MEMO1: variants seen among roughly 807,000 people sequenced by gnomAD.
MEMO1 encodes protein MEMO1.
In MEMO1, 6 loss-of-function variants were observed where a neutral mutation model predicts 45.2. The ratio of observed to expected loss-of-function variants is 0.13; its 90% CI spans 0.07 to 0.26. The LOEUF (loss-of-function observed/expected upper bound fraction) is 0.26. MEMO1 is among the 10% of genes least tolerant of loss of function. The probability of loss-of-function intolerance (pLI) is 1.00; values close to 1 mark genes in which losing one functional copy is unlikely to be tolerated. For missense variants in MEMO1, 184 were observed against 370.5 expected, an observed-to-expected ratio of 0.50 and a Z score of 4.13; for synonymous variants, 78 against 124.3, an observed-to-expected ratio of 0.63 and a Z score of 2.48.
chr2:31,987,298 C>A (rs1671381895), intron 2 of MEMO1, among the ~76,000 whole-genome samples: 1 of 152,068 alleles, frequency 6.6e-6, no homozygotes, highest in South Asian at 2.1e-4. Context: ...CTTGCCTGGA[C>A]CAACAAATGT....
chr2:31,967,625 G>A (rs779540614), intron 2 of MEMO1, among the ~76,000 whole-genome samples: 2 of 151,854 alleles, frequency 1.3e-5, no homozygotes, highest in Non-Finnish European at 2.9e-5. Context: ...ATTATTTTTT[G>A]TAGAGACAAG....
intron 3 of MEMO1, among the ~76,000 whole-genome samples, chr2:31,933,359 A>T (rs1171388660): frequency 0.029 from 1,966 of 67,044 alleles, 32 homozygotes; most frequent in Non-Finnish European, 0.035. Flanking sequence ...ATTTATATAT[A>T]TATATATATA....
intron 3 of MEMO1, among the ~76,000 whole-genome samples, chr2:31,933,721 T>C (rs1438869167): frequency 4.6e-5 from 7 of 152,180 alleles, no homozygotes; most frequent in African/African-American, 1.7e-4. Flanking sequence ...CTAAGTTCAC[T>C]GAAATCAGTG....
chr2:31,975,028 T>TG (rs1215746119), intron 2 of MEMO1, among the ~76,000 whole-genome samples: 1 of 150,756 alleles, frequency 6.6e-6, no homozygotes, highest in Non-Finnish European at 1.5e-5. Context: ...AAAAATCAGC[T>TG]GGACGTGGTG....
intron 2 of MEMO1, among the ~76,000 whole-genome samples, chr2:31,981,410 T>G (rs918497064): frequency 6.6e-6 from 1 of 152,232 alleles, no homozygotes; most frequent in Admixed American, 6.5e-5. Context: ...TCTCTCTGCC[T>G]TAAAACCTAA....
chr2:31,925,920 T>A (rs1683028498), intron 4 of MEMO1, among the ~76,000 whole-genome samples: 1 of 152,214 alleles, frequency 6.6e-6, no homozygotes, highest in Non-Finnish European at 1.5e-5. Context: ...TTCTGCTGCA[T>A]ATGGAAGTAT....
intron 2 of MEMO1, among the ~76,000 whole-genome samples, chr2:31,994,763 C>T (rs926044057): frequency 6.6e-6 from 1 of 151,902 alleles, no homozygotes; most frequent in Non-Finnish European, 1.5e-5. Flanking sequence ...GACTGGACAA[C>T]ATGGCAAAAA....
intron 6 of MEMO1, among the ~76,000 whole-genome samples, chr2:31,897,000 G>A (rs1677932306): frequency 6.6e-6 from 1 of 152,174 alleles, no homozygotes; most frequent in African/African-American, 2.4e-5. Flanking sequence ...GTGAATGGGA[G>A]TTCACTCATG....
chr2:31,993,944 ACTTT>A (rs1441591681), intron 2 of MEMO1, among the ~76,000 whole-genome samples: 10 of 133,874 alleles, frequency 7.5e-5, no homozygotes, highest in Non-Finnish European at 1.3e-4. Flanking sequence ...TATCATCAAT[ACTTT>A]CTTTTTTTTT....
intron 4 of MEMO1, among the ~76,000 whole-genome samples, chr2:31,927,853 T>C (rs1215342509): frequency 1.3e-5 from 2 of 152,214 alleles, no homozygotes; most frequent in African/African-American, 2.4e-5. Context: ...TAAGGGTTCC[T>C]GAAACCAAGA....
intron 8 of MEMO1, among the ~76,000 whole-genome samples, chr2:31,874,348 G>C (rs552783857): frequency 6.6e-6 from 1 of 152,142 alleles, no homozygotes; most frequent in South Asian, 2.1e-4. Context: ...CTGGTCTATA[G>C]CCAATAAAAT....
chr2:31,910,280 A>G (rs1680357503), intron 6 of MEMO1, among the ~76,000 whole-genome samples: 1 of 152,208 alleles, frequency 6.6e-6, no homozygotes, highest in Non-Finnish European at 1.5e-5. Flanking sequence ...CCCTCAGAGA[A>G]GAGTAAGGAT....
At chr2:31,969,582 TGTGG>T (rs879496059) in intron 2 of MEMO1, among the ~76,000 whole-genome samples, 6,266 of 111,250 alleles carry the variant, frequency 0.056, 173 homozygotes, top group Middle Eastern at 0.13. Flanking sequence ...GGGGTGTGTG[TGTGG>T]GTGTGTGTGT....
At chr2:31,882,123 C>T (rs1046554989) in intron 8 of MEMO1, among the ~76,000 whole-genome samples, 1 of 151,680 alleles carries the variant, frequency 6.6e-6, no homozygotes, top group African/African-American at 2.4e-5. Context: ...CAGCCTGGGC[C>T]ACAGAGTGAG....
intron 2 of MEMO1, among the ~76,000 whole-genome samples, chr2:31,966,834 G>C (rs1318179220): frequency 6.6e-6 from 1 of 151,754 alleles, no homozygotes; most frequent in Non-Finnish European, 1.5e-5. Flanking sequence ...TGCCACATTT[G>C]TAAATGATGT....
At chr2:31,941,312 A>T (rs1665587292) in intron 3 of MEMO1, among the ~76,000 whole-genome samples, 1 of 152,154 alleles carries the variant, frequency 6.6e-6, no homozygotes, top group Non-Finnish European at 1.5e-5. Flanking sequence ...CTCTTCCCTC[A>T]GCTATCTGCA....
rs2147943563 is a variant in MEMO1, at chr2:31,883,444, C to T, written c.599G>A (p.Ser200Asn). ...FCHWGQRFRY[S>N]YYDESQGEIY... is the part of the protein sequence containing the mutation. ...CTCCCCCTGGGATTCATCATAGTAA[C>T]TGTAACGGAACCTTTGACCTTGAAA... The change falls in exon 8 of 10, where the codon AGT becomes AAT. Residue 200 changes from serine to asparagine, a missense_variant. Physicochemically the swap from Ser to Asn is conservative, Grantham distance 46. Transcript: ENST00000404530. The T allele has an allele frequency of 6.3e-7, 1 of 1,591,822 alleles. No homozygotes were observed. Among genetic ancestry groups the T allele is most frequent in the Admixed American group, 1.8e-5 (1 of 56,098 alleles).
At chr2:31,993,099 G>T (rs1334722573) in intron 2 of MEMO1, among the ~76,000 whole-genome samples, 2 of 152,108 alleles carry the variant, frequency 1.3e-5, no homozygotes, top group Non-Finnish European at 2.9e-5. Flanking sequence ...CTGGAGCCAA[G>T]GAATTTGAGA....
intron 8 of MEMO1, among the ~76,000 whole-genome samples, chr2:31,872,685 AGAT>A (rs1399156116): frequency 1.3e-5 from 2 of 152,186 alleles, no homozygotes; most frequent in Non-Finnish European, 2.9e-5. Flanking sequence ...TAAAAAATTG[AGAT>A]GATGGGAGTT....
Sources: gnomAD v4.1 joint callset for allele counts (sites outside exome capture counted in the v4.1 genomes callset) on GRCh38, gnomAD v4.1.1 for gene constraint, MANE v1.5 for transcripts, NCBI Gene and HGNC (gene_info 2026-07-23, HGNC 2026-07-21) for gene names.